The following SGCD variants were observed in gnomAD, a reference collection of about 807,000 sequenced individuals.
SGCD encodes the protein delta-sarcoglycan.
In SGCD, 18 loss-of-function variants were observed where a neutral mutation model predicts 36.6. That is an observed-to-expected ratio of 0.49 (90% confidence interval 0.34 to 0.73). The LOEUF is 0.73. Among genes scored for constraint, SGCD ranks in the 30% least tolerant of loss-of-function variants. The probability of loss-of-function intolerance (pLI) is 0.01; values close to 1 mark genes in which losing one functional copy is unlikely to be tolerated. For synonymous variants in SGCD, 133 were observed against 130.6 expected (o/e 1.02, Z -0.12); for missense variants, 387 against 346.7 (o/e 1.12, Z -0.92).
chr5:156,694,258 C>T (rs32094), intron 7 of SGCD, among the ~76,000 whole-genome samples: 125,892 of 152,166 alleles, frequency 0.83, 52,296 homozygotes, highest in Admixed American at 0.89. Context: ...AGTGCTGACT[C>T]CTGGATCTGG....
At chr5:156,239,739 C>T (rs1392368003) in intron 3 of SGCD, among the ~76,000 whole-genome samples, 2 of 152,152 alleles carry the variant, frequency 1.3e-5, no homozygotes, top group African/African-American at 2.4e-5. Flanking sequence ...TATTTATTCT[C>T]TAAACCTCAG....
At chr5:156,107,362 G>C (rs1393404926) in intron 1 of SGCD, among the ~76,000 whole-genome samples, 3 of 152,134 alleles carry the variant, frequency 2.0e-5, no homozygotes, top group Non-Finnish European at 4.4e-5. Context: ...ATAAATTGCA[G>C]AAGGTTCACG....
At chr5:156,191,910 T>G (rs559036637) in intron 3 of SGCD, among the ~76,000 whole-genome samples, 36 of 152,280 alleles carry the variant, frequency 2.4e-4, no homozygotes, top group Non-Finnish European at 4.4e-4. Flanking sequence ...TTCAGAAAAC[T>G]GTTGAAAAGC....
intron 6 of SGCD, among the ~76,000 whole-genome samples, chr5:156,609,621 A>T (rs1334001114): frequency 3.9e-5 from 6 of 152,262 alleles, no homozygotes; most frequent in African/African-American, 1.4e-4. Context: ...GTTCTCCTGG[A>T]TAATATCCTG....
At chr5:155,992,317 T>C (rs562298778) in intron 1 of SGCD, among the ~76,000 whole-genome samples, 1 of 152,244 alleles carries the variant, frequency 6.6e-6, no homozygotes, top group South Asian at 2.1e-4. Flanking sequence ...TTTTCTTTGC[T>C]AAGGAAGGTC....
the SGCD span, among the ~76,000 whole-genome samples, chr5:155,818,227 A>T: frequency 1.3e-5 from 2 of 152,108 alleles, no homozygotes; most frequent in African/African-American, 4.8e-5. Context: ...GAGAAAGAGA[A>T]TTACTTTATT....
chr5:156,439,803 C>T (rs1753405648), intron 3 of SGCD, among the ~76,000 whole-genome samples: 1 of 152,048 alleles, frequency 6.6e-6, no homozygotes, highest in Non-Finnish European at 1.5e-5. Context: ...CTTAATTAGC[C>T]AGGAATCCTT....
chr5:156,485,052 A>T (rs1278416599), intron 3 of SGCD, among the ~76,000 whole-genome samples: 1 of 152,190 alleles, frequency 6.6e-6, no homozygotes, highest in Non-Finnish European at 1.5e-5. Context: ...TACAAGTGTA[A>T]GAAGTTGTTA....
At chr5:156,236,192 T>A (rs1765159465) in intron 3 of SGCD, among the ~76,000 whole-genome samples, 1 of 152,196 alleles carries the variant, frequency 6.6e-6, no homozygotes, top group South Asian at 2.1e-4. Flanking sequence ...TAAATCATTT[T>A]TTTTTCTCAG....
chr5:155,798,690 T>C, the SGCD span, among the ~76,000 whole-genome samples: 1 of 152,174 alleles, frequency 6.6e-6, no homozygotes, highest in Non-Finnish European at 1.5e-5. Context: ...GTGATAGACA[T>C]GGGAATGCCA....
rs536267296 is a variant in SGCD, at chr5:156,507,777, ATGAC to A, written c.193-817_193-814del. On this transcript the variant is annotated intron_variant, in intron 3 of 8. Transcript: ENST00000337851. Reference sequence around the variant, plus strand: ...TATGTGTGGATGTATGAGAGAGAAAATGACTGACTGGAAATTTTAGGAACTGGCC... The same window carrying A: ...TATGTGTGGATGTATGAGAGAGAAAATGACTGGAAATTTTAGGAACTGGCC... Among the ~76,000 whole-genome samples the A allele has an allele frequency of 2.3e-3, 355 of 152,330 alleles. 3 individuals carry two copies. Among genetic ancestry groups the A allele is most frequent in the African/African-American group, 8.2e-3 (342 of 41,570 alleles).
At chr5:156,316,383 C>T (rs1767518488) in intron 3 of SGCD, among the ~76,000 whole-genome samples, 1 of 151,688 alleles carries the variant, frequency 6.6e-6, no homozygotes, top group Non-Finnish European at 1.5e-5. Context: ...TCCATATTAC[C>T]CAGAGTAATT....
intron 3 of SGCD, among the ~76,000 whole-genome samples, chr5:156,173,237 T>C (rs1763383928): frequency 6.6e-6 from 1 of 152,128 alleles, no homozygotes; most frequent in Non-Finnish European, 1.5e-5. Context: ...CTTTATGATA[T>C]GAAATAAAAA....
At chr5:155,870,770 C>T (rs1041753761) in intron 1 of SGCD, among the ~76,000 whole-genome samples, 1 of 152,130 alleles carries the variant, frequency 6.6e-6, no homozygotes, top group African/African-American at 2.4e-5. Flanking sequence ...TCTGTGTAGA[C>T]ATGTGAAAAC....
intron 1 of SGCD, among the ~76,000 whole-genome samples, chr5:155,923,063 T>C (rs1428412469): frequency 6.6e-6 from 1 of 152,194 alleles, no homozygotes; most frequent in Non-Finnish European, 1.5e-5. Context: ...GTTAACAGCA[T>C]ATATCCTTGA....
the SGCD span, among the ~76,000 whole-genome samples, chr5:155,771,079 TGA>T: frequency 0.01 from 1,478 of 146,656 alleles, 25 homozygotes; most frequent in African/African-American, 0.035. Context: ...GTATTTGTAG[TGA>T]CTTAGAACAT....
At chr5:156,183,167 C>T (rs1266098571) in intron 3 of SGCD, among the ~76,000 whole-genome samples, 7 of 152,100 alleles carry the variant, frequency 4.6e-5, no homozygotes, top group Admixed American at 4.6e-4. Context: ...ATATGTGGAG[C>T]AGAGTCATGT....
At chr5:155,828,921 A>G in the SGCD span, among the ~76,000 whole-genome samples, 2 of 152,086 alleles carry the variant, frequency 1.3e-5, no homozygotes, top group African/African-American at 2.4e-5. Context: ...TCCTAACCTC[A>G]GGTGATCTGC....
chr5:156,104,470 A>G (rs1326687324), intron 1 of SGCD, among the ~76,000 whole-genome samples: 1 of 152,154 alleles, frequency 6.6e-6, no homozygotes, highest in East Asian at 1.9e-4. Context: ...TCTCACTTTA[A>G]AGATAAGGTG....
Sources: gnomAD v4.1 joint callset for allele counts (sites outside exome capture counted in the v4.1 genomes callset) on GRCh38, gnomAD v4.1.1 for gene constraint, MANE v1.5 for transcripts, NCBI Gene and HGNC (gene_info 2026-07-23, HGNC 2026-07-21) for gene names.